Variants in SAMMSON observed in about 807,000 individuals in gnomAD.
SAMMSON encodes long intergenic non-protein coding RNA 1212.
intron 4 of SAMMSON, among the ~76,000 whole-genome samples, chr3:70,103,835 C>T (rs1279590806): frequency 6.6e-6 from 1 of 151,874 alleles, no homozygotes; most frequent in East Asian, 1.9e-4. Context: ...CACATTCTTG[C>T]AAAAAATGAG....
intron 6 of SAMMSON, among the ~76,000 whole-genome samples, chr3:70,281,681 C>G (rs1702085034): frequency 6.6e-6 from 1 of 152,132 alleles, no homozygotes; most frequent in Admixed American, 6.6e-5. Context: ...CTGAGGAATC[C>G]TCACCATCAT....
chr3:70,133,184 G>A (rs1311852663), intron 4 of SAMMSON, among the ~76,000 whole-genome samples: 1 of 152,074 alleles, frequency 6.6e-6, no homozygotes, highest in African/African-American at 2.4e-5. Flanking sequence ...CTGGTTTCTA[G>A]GGGAACCAGT....
intron 4 of SAMMSON, among the ~76,000 whole-genome samples, chr3:70,076,284 C>T (rs1040466828): frequency 6.6e-6 from 1 of 152,050 alleles, no homozygotes; most frequent in Non-Finnish European, 1.5e-5. Context: ...AGGAAGAATT[C>T]TTTCTGTCTT....
chr3:70,243,733 C>T (rs1701681301), intron 4 of SAMMSON, among the ~76,000 whole-genome samples: 1 of 152,032 alleles, frequency 6.6e-6, no homozygotes, highest in Non-Finnish European at 1.5e-5. Context: ...AGTTGGGCAT[C>T]ACTGATCTAA....
chr3:70,030,434 T>G (rs748556193), intron 3 of SAMMSON: 12 of 152,208 alleles, frequency 7.9e-5, no homozygotes, highest in South Asian at 4.1e-4. Flanking sequence ...ACCAGATAGC[T>G]AAGAACAAAT....
intron 4 of SAMMSON, among the ~76,000 whole-genome samples, chr3:70,179,072 C>G (rs766936843): frequency 1.4e-4 from 21 of 152,098 alleles, no homozygotes; most frequent in Non-Finnish European, 2.9e-4. Context: ...ATTTTTGCCT[C>G]TGGCATCACA....
chr3:70,322,523 A>AT (rs1370181964), intron 7 of SAMMSON, among the ~76,000 whole-genome samples: 4 of 152,220 alleles, frequency 2.6e-5, no homozygotes, highest in African/African-American at 4.8e-5. Context: ...CGAAAAGTAC[A>AT]TTTTTTTGTA....
intron 2 of SAMMSON, among the ~76,000 whole-genome samples, chr3:70,433,429 T>A (rs531490960): frequency 1.3e-5 from 2 of 152,298 alleles, no homozygotes; most frequent in East Asian, 3.9e-4. Context: ...ATATTTCATA[T>A]GCTTTTTTGC....
chr3:70,157,070 T>C (rs1356808809), intron 4 of SAMMSON, among the ~76,000 whole-genome samples: 1 of 152,118 alleles, frequency 6.6e-6, no homozygotes, highest in Non-Finnish European at 1.5e-5. Context: ...GATATAGTCA[T>C]GGGCTTCTTT....
chr3:70,361,053 ACT>A (rs1702867214), intron 9 of SAMMSON, among the ~76,000 whole-genome samples: 1 of 152,102 alleles, frequency 6.6e-6, no homozygotes, highest in Non-Finnish European at 1.5e-5. Flanking sequence ...AGATAAGAAA[ACT>A]CAGCCTCAGA....
At chr3:70,194,390 T>G (rs1266239973) in intron 4 of SAMMSON, among the ~76,000 whole-genome samples, 1 of 152,192 alleles carries the variant, frequency 6.6e-6, no homozygotes, top group Non-Finnish European at 1.5e-5. Context: ...AATAACCACA[T>G]CCCTTTTTGA....
chr3:70,306,376 G>GC (rs1249752085), intron 7 of SAMMSON, among the ~76,000 whole-genome samples: 1 of 152,188 alleles, frequency 6.6e-6, no homozygotes, highest in East Asian at 1.9e-4. Flanking sequence ...CTCCCAAAGT[G>GC]CTGGGATTAT....
chr3:70,092,813 G>C (rs1045888029), intron 4 of SAMMSON, among the ~76,000 whole-genome samples: 4 of 151,754 alleles, frequency 2.6e-5, no homozygotes, highest in Non-Finnish European at 5.9e-5. Context: ...CCTTTTATTT[G>C]TGGAAGAGGT....
intron 4 of SAMMSON, among the ~76,000 whole-genome samples, chr3:70,111,370 G>A (rs2067388556): frequency 6.6e-6 from 1 of 152,182 alleles, no homozygotes; most frequent in Non-Finnish European, 1.5e-5. Context: ...GATCAGGATA[G>A]CAGACGTATG....
intron 3 of SAMMSON, among the ~76,000 whole-genome samples, chr3:70,026,015 A>G (rs2067035892): frequency 6.6e-6 from 1 of 152,144 alleles, no homozygotes; most frequent in African/African-American, 2.4e-5. Flanking sequence ...TTTCAAACCC[A>G]TGTTGTTCAG....
intron 4 of SAMMSON, among the ~76,000 whole-genome samples, chr3:70,174,824 A>T (rs777524912): frequency 1.3e-5 from 2 of 151,974 alleles, no homozygotes; most frequent in Admixed American, 1.3e-4. Context: ...TTCTAATTAT[A>T]GATCATGAAT....
At chr3:70,157,323 C>T (rs548044975) in intron 4 of SAMMSON, among the ~76,000 whole-genome samples, 7 of 152,140 alleles carry the variant, frequency 4.6e-5, no homozygotes, top group African/African-American at 9.6e-5. Context: ...CCTGAGCTGA[C>T]GAGGCAAGCG....
chr3:70,352,507 T>C (rs115296857), intron 7 of SAMMSON, among the ~76,000 whole-genome samples: 273 of 152,204 alleles, frequency 1.8e-3, no homozygotes, highest in African/African-American at 6.2e-3. Context: ...CTAAAATGCT[T>C]AAAATAAGTT....
chr3:70,433,599 G>A (rs1279915132), intron 2 of SAMMSON, among the ~76,000 whole-genome samples: 2 of 151,968 alleles, frequency 1.3e-5, no homozygotes, highest in South Asian at 2.1e-4. Context: ...TTCCAAGTCT[G>A]TGCTTTGTCC....
Sources: allele counts gnomAD v4.1 joint callset (sites outside exome capture counted in the v4.1 genomes callset), GRCh38; gene constraint gnomAD v4.1.1; transcripts MANE v1.5; gene names NCBI Gene and HGNC (gene_info 2026-07-23, HGNC 2026-07-21).